The following ZNF407 variants were observed in gnomAD, a reference collection of about 807,000 sequenced individuals.
ZNF407 encodes the protein zinc finger protein 407.
A neutral mutation model predicts 131.2 loss-of-function variants in ZNF407; 17 were observed. That is an observed-to-expected ratio of 0.13 (90% CI 0.09 to 0.19). The LOEUF is 0.19. ZNF407 is among the 10% of genes least tolerant of loss of function. The pLI is 1.00. For synonymous variants in ZNF407, 1,156 were observed against 1,062.0 expected (o/e 1.09, Z -1.72); for missense variants, 2,681 against 2,830.6 (o/e 0.95, Z 1.20).
At chr18:74,673,245 A>G (rs1389660215) in intron 3 of ZNF407, among the ~76,000 whole-genome samples, 1 of 152,204 alleles carries the variant, frequency 6.6e-6, no homozygotes, top group Non-Finnish European at 1.5e-5. Context: ...TTATTATGTT[A>G]TAGTTCTGGA....
intron 3 of ZNF407, among the ~76,000 whole-genome samples, chr18:74,656,114 T>G (rs1985444909): frequency 6.6e-6 from 1 of 152,132 alleles, no homozygotes; most frequent in Non-Finnish European, 1.5e-5. Flanking sequence ...TAGAGGCAGA[T>G]TAGGAAATGG....
At chr18:74,818,463 A>G in intron 4 of ZNF407, among the ~76,000 whole-genome samples, 1 of 152,236 alleles carries the variant, frequency 6.6e-6, no homozygotes, top group East Asian at 1.9e-4. Flanking sequence ...TTACACATGC[A>G]ATATGTGTTT....
At chr18:74,778,769 G>A (rs1162479208) in intron 3 of ZNF407, among the ~76,000 whole-genome samples, 1 of 151,976 alleles carries the variant, frequency 6.6e-6, no homozygotes, top group Non-Finnish European at 1.5e-5. Context: ...CTGTGTTTTC[G>A]TCATAGGTGC....
chr18:74,797,414 A>C (rs1969940589), intron 4 of ZNF407, among the ~76,000 whole-genome samples: 1 of 152,258 alleles, frequency 6.6e-6, no homozygotes, highest in South Asian at 2.1e-4. Context: ...TCGCTTTGGC[A>C]ACCAATGAAT....
chr18:74,982,529 C>T (rs539184419), intron 8 of ZNF407, among the ~76,000 whole-genome samples: 2 of 152,318 alleles, frequency 1.3e-5, no homozygotes, highest in South Asian at 4.1e-4. Flanking sequence ...TCATTGGAAA[C>T]TTACAAAGCT....
chr18:75,046,761 G>GA (rs200235041), intron 8 of ZNF407, among the ~76,000 whole-genome samples: 1,246 of 112,606 alleles, frequency 0.011, 10 homozygotes, highest in African/African-American at 0.029. Flanking sequence ...TGAAGACAAT[G>GA]AAAAAAAAAA....
At chr18:74,826,387 T>C (rs775973793) in intron 4 of ZNF407, among the ~76,000 whole-genome samples, 2 of 152,224 alleles carry the variant, frequency 1.3e-5, no homozygotes, top group Non-Finnish European at 2.9e-5. Context: ...CAAAGTTACA[T>C]GTAATACTCT....
At chr18:74,782,562 T>C (rs76988665) in intron 4 of ZNF407, among the ~76,000 whole-genome samples, 2 of 106,660 alleles carry the variant, frequency 1.9e-5, no homozygotes, top group African/African-American at 6.0e-5. Context: ...CCCCTCCTCT[T>C]CTCTTCTCTT....
intron 4 of ZNF407, among the ~76,000 whole-genome samples, chr18:74,813,436 G>GCCAAGA (rs1970225514): frequency 1.3e-5 from 2 of 150,828 alleles, no homozygotes; most frequent in South Asian, 4.2e-4. Context: ...ATGCCGTGAG[G>GCCAAGA]CCACAGAACA....
chr18:74,849,357 C>T (rs925344518), intron 4 of ZNF407, among the ~76,000 whole-genome samples: 11 of 152,144 alleles, frequency 7.2e-5, no homozygotes, highest in African/African-American at 1.4e-4. Context: ...GGATTACAGT[C>T]GTGAGCTACT....
At chr18:74,883,731 G>A (rs937648719) in intron 6 of ZNF407, among the ~76,000 whole-genome samples, 7 of 152,186 alleles carry the variant, frequency 4.6e-5, no homozygotes, top group African/African-American at 1.7e-4. Context: ...GACACACAAA[G>A]AGCACCGCAC....
chr18:74,991,721 T>C (rs1313427198), intron 8 of ZNF407, among the ~76,000 whole-genome samples: 3 of 152,204 alleles, frequency 2.0e-5, no homozygotes, highest in Admixed American at 2.0e-4. Flanking sequence ...AGCCCACTGA[T>C]TCTTCACTTG....
intron 7 of ZNF407, among the ~76,000 whole-genome samples, chr18:74,917,114 C>T (rs1971783014): frequency 1.3e-5 from 2 of 151,920 alleles, no homozygotes; most frequent in Admixed American, 1.3e-4. Flanking sequence ...GACAAGTAAC[C>T]CATTGAAATT....
chr18:74,629,309 A>ATG (rs1364227505), intron 1 of ZNF407, among the ~76,000 whole-genome samples: 1 of 152,178 alleles, frequency 6.6e-6, no homozygotes, highest in Non-Finnish European at 1.5e-5. Flanking sequence ...GTGACTACTG[A>ATG]TGTAGAGTAT....
intron 8 of ZNF407, among the ~76,000 whole-genome samples, chr18:75,031,373 T>A (rs1480316649): frequency 6.6e-6 from 1 of 152,248 alleles, no homozygotes; most frequent in African/African-American, 2.4e-5. Context: ...ATACTGGTTC[T>A]GAATAGTTTT....
chr18:74,842,675 G>T (rs555123152), intron 4 of ZNF407, among the ~76,000 whole-genome samples: 1 of 152,018 alleles, frequency 6.6e-6, no homozygotes, highest in African/African-American at 2.4e-5. Context: ...TTAGACAAAT[G>T]TTTGCTTATT....
At chr18:74,955,919 T>G (rs189695853) in intron 8 of ZNF407, among the ~76,000 whole-genome samples, 126 of 152,304 alleles carry the variant, frequency 8.3e-4, no homozygotes, top group Non-Finnish European at 1.4e-3. Flanking sequence ...AAGACCATAC[T>G]TTTTTGTACA....
intron 8 of ZNF407, among the ~76,000 whole-genome samples, chr18:74,948,770 A>G (rs560307489): frequency 6.6e-6 from 1 of 152,346 alleles, no homozygotes; most frequent in African/African-American, 2.4e-5. Context: ...ATGCTATGTA[A>G]AAATACAGAT....
chr18:74,984,333 T>A (rs953836184), intron 8 of ZNF407, among the ~76,000 whole-genome samples: 1 of 152,220 alleles, frequency 6.6e-6, no homozygotes, highest in Non-Finnish European at 1.5e-5. Context: ...ACATCTTTTT[T>A]AAAAGTACCT....
Sources: gnomAD v4.1 joint callset for allele counts (sites outside exome capture counted in the v4.1 genomes callset) on GRCh38, gnomAD v4.1.1 for gene constraint, MANE v1.5 for transcripts, NCBI Gene and HGNC (gene_info 2026-07-23, HGNC 2026-07-21) for gene names.